MOB3B: variants seen among roughly 807,000 people sequenced by gnomAD.
MOB3B encodes the protein MOB kinase activator-like 2B.
MOB3B carries 7 observed loss-of-function variants against 18.7 expected under a neutral mutation model. That is an observed-to-expected ratio of 0.37 (90% CI 0.21 to 0.70). MOB3B has a LOEUF of 0.70. MOB3B is among the 30% of genes least tolerant of loss of function. The pLI, the probability that MOB3B is intolerant of heterozygous loss-of-function variation, is 0.52. For synonymous variants in MOB3B, 111 were observed against 99.9 expected (o/e 1.11, Z -0.66); for missense variants, 253 against 281.3 (o/e 0.90, Z 0.72).
chr9:27,490,143 A>G (rs961811647), intron 1 of MOB3B, among the ~76,000 whole-genome samples: 1 of 152,152 alleles, frequency 6.6e-6, no homozygotes, highest in African/African-American at 2.4e-5. Context: ...ATAGAATTCC[A>G]TAGCATTACT....
intron 3 of MOB3B, among the ~76,000 whole-genome samples, chr9:27,352,135 C>G (rs906023409): frequency 6.6e-6 from 1 of 152,112 alleles, no homozygotes; most frequent in Non-Finnish European, 1.5e-5. Flanking sequence ...AATCCCAGCA[C>G]TTTGGGAGGT....
chr9:27,359,788 CAGAA>C (rs1240302553), intron 2 of MOB3B, among the ~76,000 whole-genome samples: 1 of 152,162 alleles, frequency 6.6e-6, no homozygotes, highest in African/African-American at 2.4e-5. Context: ...TTTCATAACA[CAGAA>C]AGGGTGAGTG....
intron 2 of MOB3B, among the ~76,000 whole-genome samples, chr9:27,398,730 T>C (rs193027482): frequency 1.6e-4 from 25 of 152,326 alleles, no homozygotes; most frequent in African/African-American, 5.8e-4. Flanking sequence ...GACCATGTAA[T>C]ACCACCAAGT....
At chr9:27,340,987 T>C (rs548141817) in intron 3 of MOB3B, among the ~76,000 whole-genome samples, 2 of 152,338 alleles carry the variant, frequency 1.3e-5, no homozygotes, top group South Asian at 4.1e-4. Flanking sequence ...CCCACCCGCT[T>C]TGAGGAATGA....
intron 2 of MOB3B, among the ~76,000 whole-genome samples, chr9:27,428,570 T>G (rs1294673188): frequency 6.6e-6 from 1 of 152,236 alleles, no homozygotes; most frequent in East Asian, 1.9e-4. Flanking sequence ...GTAAAAATGT[T>G]GAGTTTCCAT....
chr9:27,389,030 TA>T (rs1285234519), intron 2 of MOB3B, among the ~76,000 whole-genome samples: 3 of 152,220 alleles, frequency 2.0e-5, no homozygotes, highest in African/African-American at 4.8e-5. Context: ...GTAATCATTT[TA>T]AAAATAATAA....
At chr9:27,486,160 G>A (rs1819726449) in intron 1 of MOB3B, among the ~76,000 whole-genome samples, 1 of 152,222 alleles carries the variant, frequency 6.6e-6, no homozygotes, top group Admixed American at 6.5e-5. Context: ...AGTTTCGATG[G>A]TGGACCAGGA....
chr9:27,364,192 T>C (rs527331742), intron 2 of MOB3B, among the ~76,000 whole-genome samples: 113 of 152,346 alleles, frequency 7.4e-4, no homozygotes, highest in Non-Finnish European at 1.2e-3. Context: ...AATGGCATCC[T>C]GGACCTGGGG....
chr9:27,508,340 G>A (rs1017507015), intron 1 of MOB3B, among the ~76,000 whole-genome samples: 2 of 151,952 alleles, frequency 1.3e-5, no homozygotes, highest in Non-Finnish European at 2.9e-5. Flanking sequence ...TTAAAAAAAC[G>A]CAAGGGTTGT....
chr9:27,370,813 G>C (rs892939315), intron 2 of MOB3B, among the ~76,000 whole-genome samples: 1 of 152,174 alleles, frequency 6.6e-6, no homozygotes, highest in African/African-American at 2.4e-5. Context: ...AGCTTCCCCT[G>C]CTTGGGTTCC....
chr9:27,374,657 G>A (rs1821466565), intron 2 of MOB3B, among the ~76,000 whole-genome samples: 1 of 152,078 alleles, frequency 6.6e-6, no homozygotes, highest in South Asian at 2.1e-4. Context: ...GCCAAAGTCA[G>A]CCCACAGGAC....
At chr9:27,476,902 A>G (rs1018719433) in intron 1 of MOB3B, among the ~76,000 whole-genome samples, 1 of 152,142 alleles carries the variant, frequency 6.6e-6, no homozygotes, top group African/African-American at 2.4e-5. Flanking sequence ...AAACTTACCT[A>G]AGAGGTGGCT....
intron 2 of MOB3B, among the ~76,000 whole-genome samples, chr9:27,405,025 C>T (rs1821945075): frequency 6.9e-6 from 1 of 145,482 alleles, no homozygotes; most frequent in African/African-American, 2.5e-5. Flanking sequence ...TGATGTTGAA[C>T]ATATTTTCAT....
chr9:27,340,523 A>G (rs1820923556), intron 3 of MOB3B, among the ~76,000 whole-genome samples: 1 of 152,120 alleles, frequency 6.6e-6, no homozygotes, highest in African/African-American at 2.4e-5. Context: ...GCATTAATCA[A>G]AACTGTTTGT....
chr9:27,508,060 T>C (rs183627062), intron 1 of MOB3B, among the ~76,000 whole-genome samples: 187 of 152,326 alleles, frequency 1.2e-3, no homozygotes, highest in African/African-American at 4.5e-3. Context: ...AATTGCTAAA[T>C]TGCTGCAACC....
chr9:27,443,278 G>C (rs1044000668), intron 2 of MOB3B, among the ~76,000 whole-genome samples: 3 of 152,106 alleles, frequency 2.0e-5, no homozygotes, highest in Admixed American at 6.6e-5. Flanking sequence ...TTGACACCAA[G>C]CTCAACAGTC....
At chr9:27,370,951 A>C (rs1028059940) in intron 2 of MOB3B, among the ~76,000 whole-genome samples, 1 of 152,186 alleles carries the variant, frequency 6.6e-6, no homozygotes, top group East Asian at 1.9e-4. Flanking sequence ...GAGTAACGCT[A>C]CCGTGAACAT....
Position 27,325,618 on chromosome 9 carries a change from C to T in MOB3B, c.*4969G>A, listed in dbSNP as rs930342883. 1.3e-5 allele frequency: 2 copies of T among 152,162 alleles called. No individual in the cohort carries two copies. The highest frequency in any genetic ancestry group is 2.9e-5 in the Non-Finnish European group (2 of 68,020). 9.4% of individuals were successfully genotyped at this position (152,162 alleles called of 1,614,324 possible). A position where few individuals can be genotyped will look rare whatever the true frequency, so the allele number is the denominator to read the frequency against. ...TAAGGCAGGAAAACAATCATTATTT[C>T]CAAACACACTTTGTTTGTCTAATTC... On this transcript the variant is annotated 3_prime_UTR_variant, in exon 4 of 4. Transcript: ENST00000262244.
In MOB3B at chr9:27,329,227, G is replaced by A. The variant is rs1820754631; in HGVS notation, c.*1360C>T. 6.6e-6 allele frequency: 1 copy of A among 151,922 alleles called. No individual in the cohort carries two copies. Among genetic ancestry groups the A allele is most frequent in the Non-Finnish European group, 1.5e-5 (1 of 67,994 alleles). 9.4% of individuals were successfully genotyped at this position (151,922 alleles called of 1,614,324 possible). ...GACAAATATTTTGCTAAATTAAAAG[G>A]ATCACTGGAAGTATTATGACCCCCC... On this transcript the variant is annotated 3_prime_UTR_variant, in exon 4 of 4. Coordinates refer to ENST00000262244, the MANE Select transcript of MOB3B (RefSeq NM_024761.5).
Sources: allele counts gnomAD v4.1 joint callset (sites outside exome capture counted in the v4.1 genomes callset), GRCh38; gene constraint gnomAD v4.1.1; transcripts MANE v1.5; gene names NCBI Gene and HGNC (gene_info 2026-07-23, HGNC 2026-07-21).